SREBF2: variants seen among roughly 807,000 people sequenced by gnomAD.
SREBF2 encodes sterol regulatory element binding transcription factor 2.
Under a neutral mutation model 113.1 loss-of-function variants are expected in SREBF2, and 55 were observed. That is an observed-to-expected ratio of 0.49 (90% CI 0.39 to 0.61). SREBF2 has a LOEUF of 0.61. Among genes scored for constraint, SREBF2 ranks in the 20% least tolerant of loss-of-function variants. SREBF2 has a pLI of 0.00. For missense variants in SREBF2, 1,349 were observed against 1,487.4 expected (o/e 0.91, Z 1.53); for synonymous variants, 593 against 605.7 (o/e 0.98, Z 0.31).
At chr22:41,838,380 A>C (rs1213135149) in intron 1 of SREBF2, among the ~76,000 whole-genome samples, 1 of 152,206 alleles carries the variant, frequency 6.6e-6, no homozygotes, top group African/African-American at 2.4e-5. Context: ...TATGGAAGAT[A>C]GGGAATTGTT....
intron 1 of SREBF2, among the ~76,000 whole-genome samples, chr22:41,864,279 C>T (rs1257091401): frequency 2.4e-4 from 31 of 126,922 alleles, no homozygotes; most frequent in Non-Finnish European, 4.5e-4. Context: ...CACACACACA[C>T]ACACAAAATA....
Position 41,905,712 on chromosome 22 carries a change from C to G in SREBF2, c.*52C>G, listed in dbSNP as rs765568769. On this transcript the variant is annotated 3_prime_UTR_variant, in exon 19 of 19. Coordinates refer to ENST00000361204, the MANE Select transcript of SREBF2 (RefSeq NM_004599.4). Reference sequence around the variant, plus strand: ...CTCTCTCTCGATTTCTCTCTCTCCCCCTCAGCATCTTCCCGCTGAGAGTGG... The same window carrying G: ...CTCTCTCTCGATTTCTCTCTCTCCCGCTCAGCATCTTCCCGCTGAGAGTGG... 2.2e-5 allele frequency: 33 copies of G among 1,516,712 alleles called. No individual in the cohort carries two copies. In the Admixed American group the frequency reaches 5.1e-4, roughly 23 times the overall value. 94.0% of individuals were successfully genotyped at this position (1,516,712 alleles called of 1,614,324 possible).
intron 2 of SREBF2, among the ~76,000 whole-genome samples, chr22:41,867,958 G>C (rs2077101861): frequency 6.6e-6 from 1 of 152,230 alleles, no homozygotes; most frequent in African/African-American, 2.4e-5. Flanking sequence ...AAACATCTGA[G>C]CATCCACTAT....
chr22:41,888,796 A>G (rs771673211), intron 11 of SREBF2, among the ~76,000 whole-genome samples: 7 of 152,230 alleles, frequency 4.6e-5, no homozygotes, highest in Non-Finnish European at 1.0e-4. Context: ...TAATAGTATT[A>G]CCAAATTTGC....
intron 9 of SREBF2, 42 bp from the exon 10 acceptor site, chr22:41,880,674 G>A: frequency 6.2e-7 from 1 of 1,613,834 alleles, no homozygotes; most frequent in South Asian, 1.1e-5. Flanking sequence ...CAAAAAGCCG[G>A]AGCAAGGCCA....
Position 41,877,932 on chromosome 22 carries a change from T to C in SREBF2, c.1580-10T>C. On this transcript the variant is annotated splice_polypyrimidine_tract_variant and intron_variant, in intron 8 of 18. Coordinates refer to ENST00000361204, the MANE Select transcript of SREBF2 (RefSeq NM_004599.4). Reference sequence around the variant, plus strand: ...TTCCTAGCAGACTCTGCTGAGACGCTCCTTCTTAGGTTCTGGGGGCTGGTT... The same window carrying C: ...TTCCTAGCAGACTCTGCTGAGACGCCCCTTCTTAGGTTCTGGGGGCTGGTT... 6.2e-7 allele frequency: 1 copy of C among 1,614,202 alleles called. No individual in the cohort carries two copies. The highest frequency in any genetic ancestry group is 8.5e-7 in the Non-Finnish European group (1 of 1,180,040).
rs73165110 is a variant in SREBF2, at chr22:41,895,852, G to C, written c.2495+915G>C. Among the ~76,000 whole-genome samples, 541 of 151,512 alleles carry C rather than the reference G, an allele frequency of 3.6e-3. 1 individual carries two copies. The highest frequency in any genetic ancestry group is 8.5e-3 in the Admixed American group (130 of 15,264). The stretch of plus-strand genomic sequence containing the variant: ...AGGGAGCAGGGGCCTGTTGAAAGGG[G>C]ATGGGGGCTGGGTGCAGTGGCTCAC... On this transcript the variant is annotated intron_variant, in intron 13 of 18. Transcript: ENST00000361204.
At chr22:41,899,352 T>C (rs1034682388) in intron 15 of SREBF2, 6 of 1,017,364 alleles carry the variant, frequency 5.9e-6, no homozygotes, top group Non-Finnish European at 7.1e-6. Context: ...CATGTCTGCG[T>C]CTTGGGGGCA....
intron 11 of SREBF2, chr22:41,891,304 G>A (rs1045678709): frequency 6.6e-6 from 1 of 152,080 alleles, no homozygotes; most frequent in Non-Finnish European, 1.5e-5. Context: ...GGGTCGCGAG[G>A]GTCCTCTACA....
chr22:41,864,990 G>A (rs1237910764), intron 1 of SREBF2, among the ~76,000 whole-genome samples: 1 of 152,020 alleles, frequency 6.6e-6, no homozygotes, highest in Non-Finnish European at 1.5e-5. Flanking sequence ...TGTTGCCCAG[G>A]CTGTTCTCAA....
rs1282311261 is a variant in SREBF2, at chr22:41,878,583, T to A, written c.1761+460T>A. ...CACTAGGAACTGATTTGGGGCTTTA[T>A]TCCCAATTCTCTATAGAACCAGGAA... On this transcript the variant is annotated intron_variant, in intron 9 of 18. Transcript: ENST00000361204. 4.0e-6 allele frequency: 4 copies of A among 1,011,882 alleles called. No homozygotes were observed. The African/African-American group carries it at 6.7e-5, about 17-fold the overall frequency. The allele number at this position is 1,011,882 out of a possible 1,614,324, so 62.7% of individuals were successfully genotyped here. A position where few individuals can be genotyped will look rare whatever the true frequency, so the allele number is the denominator to read the frequency against.
chr22:41,902,081 T>C (rs1318501150), intron 16 of SREBF2, among the ~76,000 whole-genome samples: 3 of 152,194 alleles, frequency 2.0e-5, no homozygotes, highest in Non-Finnish European at 4.4e-5. Flanking sequence ...CAAGGCCTTG[T>C]GCAGGGACAG....
chr22:41,872,363 G>A (rs1016060626), intron 4 of SREBF2, among the ~76,000 whole-genome samples: 3 of 152,084 alleles, frequency 2.0e-5, no homozygotes, highest in East Asian at 1.9e-4. Context: ...AATTCAGAGC[G>A]GTGGTGACAA....
At chr22:41,853,949 G>A (rs1244654431) in intron 1 of SREBF2, among the ~76,000 whole-genome samples, 4 of 151,494 alleles carry the variant, frequency 2.6e-5, no homozygotes, top group Admixed American at 2.0e-4. Context: ...GCAGGAGAAT[G>A]GCGTGAACCC....
intron 7 of SREBF2, among the ~76,000 whole-genome samples, chr22:41,876,171 T>G (rs1213896165): frequency 2.0e-5 from 3 of 152,226 alleles, no homozygotes; most frequent in Non-Finnish European, 4.4e-5. Flanking sequence ...ATTTTACCTA[T>G]GGGCCTTTAA....
intron 4 of SREBF2, 66 bp from the exon 5 acceptor site, chr22:41,873,732 G>C (rs1602312760): frequency 6.6e-7 from 1 of 1,514,416 alleles, no homozygotes; most frequent in East Asian, 2.4e-5. Context: ...GGGCAGGTCT[G>C]TGTTGAGGTT....
intron 1 of SREBF2, among the ~76,000 whole-genome samples, chr22:41,837,576 A>T (rs2076788742): frequency 7.4e-6 from 1 of 134,728 alleles, no homozygotes; most frequent in African/African-American, 2.9e-5. Flanking sequence ...AAAAAAAAAA[A>T]TGCTGGACAC....
chr22:41,866,934 C>CGGCAGCAGT lies in SREBF2; in HGVS notation c.201_209dup (p.Gly68_Ser70dup). On this transcript the variant is annotated inframe_insertion, in exon 2 of 19. Coordinates refer to ENST00000361204, the MANE Select transcript of SREBF2 (RefSeq NM_004599.4). ...GCAGTGGTGGTAGTGGTAGCAGCAG[C>CGGCAGCAGT]GGCAGCAGTGGCAGCAGCAGCAGCA... The CGGCAGCAGT allele has an allele frequency of 1.9e-6, 3 of 1,613,386 alleles. No individual in the cohort carries two copies. Among genetic ancestry groups the CGGCAGCAGT allele is most frequent in the Admixed American group, 1.7e-5 (1 of 59,980 alleles).
chr22:41,840,761 A>G (rs2076822879), intron 1 of SREBF2, among the ~76,000 whole-genome samples: 1 of 152,074 alleles, frequency 6.6e-6, no homozygotes, highest in Admixed American at 6.6e-5. Context: ...TTATGTTCTG[A>G]ATTCCATGAC....
Sources: allele counts gnomAD v4.1 joint callset (sites outside exome capture counted in the v4.1 genomes callset), GRCh38; gene constraint gnomAD v4.1.1; transcripts MANE v1.5; gene names NCBI Gene and HGNC (gene_info 2026-07-23, HGNC 2026-07-21).